The following TAF4B variants were observed in gnomAD, a reference collection of about 807,000 sequenced individuals.
TAF4B encodes the protein TATA-box binding protein associated factor 4b, also known as transcription initiation factor TFIID subunit 4B.
A neutral mutation model predicts 86.4 loss-of-function variants in TAF4B; 38 were observed. The ratio of observed to expected loss-of-function variants is 0.44; its 90% CI spans 0.34 to 0.58. The LOEUF is 0.58. TAF4B is among the 20% of genes least tolerant of loss of function. The pLI is 0.02. For synonymous variants in TAF4B, 388 were observed against 391.2 expected, an observed-to-expected ratio of 0.99 and a Z score of 0.10; for missense variants, 988 against 1,027.6, an observed-to-expected ratio of 0.96 and a Z score of 0.53.
intron 14 of TAF4B, among the ~76,000 whole-genome samples, chr18:26,367,768 A>G (rs1351912684): frequency 6.6e-6 from 1 of 152,228 alleles, no homozygotes; most frequent in Non-Finnish European, 1.5e-5. Context: ...ATAAATAATG[A>G]GCATCCTGTT....
chr18:26,310,057 A>G lies in TAF4B; in HGVS notation c.1833-5172A>G, dbSNP rs1017541194. ...AGGTTGGTGCTGAGCCCCTGACCTC[A>G]GGAGACACGCCCACCTCGGGCTCCG... On this transcript the variant is annotated intron_variant, in intron 9 of 14. Coordinates refer to ENST00000269142, the MANE Select transcript of TAF4B (RefSeq NM_005640.3). Among the ~76,000 whole-genome samples, 19 of 152,174 alleles carry G rather than the reference A, an allele frequency of 1.2e-4. 1 individual carries two copies. The highest frequency in any genetic ancestry group is 2.9e-5 in the Non-Finnish European group (2 of 68,028).
intron 1 of TAF4B, among the ~76,000 whole-genome samples, chr18:26,262,459 T>C (rs2056182995): frequency 6.8e-6 from 1 of 147,976 alleles, no homozygotes; most frequent in Non-Finnish European, 1.5e-5. Flanking sequence ...CTGCATGCCT[T>C]AGGACAGTTT....
At chr18:26,336,817 A>T (rs774971819) in intron 13 of TAF4B, among the ~76,000 whole-genome samples, 3 of 152,236 alleles carry the variant, frequency 2.0e-5, no homozygotes, top group Non-Finnish European at 2.9e-5. Context: ...TGCAACAGAA[A>T]GCTTACCCTT....
At position 26,285,222 on chromosome 18, in the gene TAF4B, G is replaced by GTTT. The variant is rs776976703; in HGVS notation, c.973-648_973-646dup. Among the ~76,000 whole-genome samples the GTTT allele has an allele frequency of 1.1e-4, 5 of 45,692 alleles. 1 individual carries two copies. Among genetic ancestry groups the GTTT allele is most frequent in the Middle Eastern group, 0.021 (1 of 48 alleles). 30.0% of individuals were successfully genotyped at this position (45,692 alleles called of 152,430 possible). On this transcript the variant is annotated intron_variant, in intron 6 of 14. Coordinates refer to ENST00000269142, the MANE Select transcript of TAF4B (RefSeq NM_005640.3). ...ATTTCTTCCTTTCCTTTTTTTTTTT[G>GTTT]TTTTTTTTTTTTTTGGAGATGGGGT...
At chr18:26,343,449 G>A (rs1327900864) in intron 13 of TAF4B, among the ~76,000 whole-genome samples, 2 of 152,146 alleles carry the variant, frequency 1.3e-5, no homozygotes, top group Non-Finnish European at 2.9e-5. Context: ...TGACCACTGG[G>A]GGATGCACAG....
intron 6 of TAF4B, 119 bp from the exon 7 acceptor site, chr18:26,285,763 C>T: frequency 7.9e-7 from 1 of 1,262,416 alleles, no homozygotes; most frequent in Non-Finnish European, 1.1e-6. Flanking sequence ...CTGTCTTCAA[C>T]TGAAATACTT....
At chr18:26,251,325 A>T (rs923732691) in intron 1 of TAF4B, among the ~76,000 whole-genome samples, 10 of 152,220 alleles carry the variant, frequency 6.6e-5, no homozygotes, top group African/African-American at 2.4e-4. Context: ...ATTAAATTGT[A>T]ATAGATGAAT....
chr18:26,343,850 G>A (rs1040655248), intron 13 of TAF4B, among the ~76,000 whole-genome samples: 18 of 152,224 alleles, frequency 1.2e-4, no homozygotes, highest in African/African-American at 3.9e-4. Context: ...ACCAAGGGAC[G>A]ACTGTATTCA....
intron 13 of TAF4B, among the ~76,000 whole-genome samples, chr18:26,342,660 A>G (rs1378205449): frequency 1.3e-5 from 2 of 152,264 alleles, no homozygotes; most frequent in Non-Finnish European, 2.9e-5. Context: ...ACCTAACACC[A>G]GAAATAAAAT....
chr18:26,358,531 A>G (rs2057306142), intron 14 of TAF4B, among the ~76,000 whole-genome samples: 1 of 152,160 alleles, frequency 6.6e-6, no homozygotes, highest in Non-Finnish European at 1.5e-5. Flanking sequence ...TAACACGGTG[A>G]AAACCTGTCT....
chr18:26,258,675 T>C (rs1598733283), intron 1 of TAF4B, among the ~76,000 whole-genome samples: 1 of 152,228 alleles, frequency 6.6e-6, no homozygotes, highest in African/African-American at 2.4e-5. Flanking sequence ...CTGCTACTAA[T>C]GAATCTTCTC....
chr18:26,234,917 T>G (rs1305763209), intron 1 of TAF4B, among the ~76,000 whole-genome samples: 1 of 152,222 alleles, frequency 6.6e-6, no homozygotes, highest in Non-Finnish European at 1.5e-5. Flanking sequence ...AGTGAGATCC[T>G]TTCCTTGTGT....
intron 9 of TAF4B, among the ~76,000 whole-genome samples, chr18:26,311,853 G>A (rs2056856978): frequency 1.3e-5 from 2 of 152,130 alleles, no homozygotes; most frequent in African/African-American, 4.8e-5. Context: ...AGAAGAAGTA[G>A]TCTGCTGTTG....
chr18:26,384,408 CTATT>C (rs1243156701), intron 14 of TAF4B, among the ~76,000 whole-genome samples: 1 of 152,170 alleles, frequency 6.6e-6, no homozygotes, highest in Admixed American at 6.5e-5. Flanking sequence ...GGCTCCTCCA[CTATT>C]TAATTTGAGG....
At chr18:26,297,194 A>G (rs994777931) in intron 9 of TAF4B, among the ~76,000 whole-genome samples, 5 of 152,080 alleles carry the variant, frequency 3.3e-5, no homozygotes, top group Non-Finnish European at 7.3e-5. Context: ...TTGGGGAGAA[A>G]GAATTGCAGT....
At chr18:26,317,310 C>A (rs192441339) in intron 10 of TAF4B, among the ~76,000 whole-genome samples, 2 of 152,096 alleles carry the variant, frequency 1.3e-5, no homozygotes, top group African/African-American at 4.8e-5. Context: ...GGGTTACAGT[C>A]GTGAGCCACT....
chr18:26,277,461 CAA>C (rs2056397321), intron 5 of TAF4B, among the ~76,000 whole-genome samples: 1 of 152,176 alleles, frequency 6.6e-6, no homozygotes. Flanking sequence ...AGTTTCAAAA[CAA>C]CAACAGAATT....
At chr18:26,352,675 A>G (rs1391020767) in intron 13 of TAF4B, among the ~76,000 whole-genome samples, 2 of 152,126 alleles carry the variant, frequency 1.3e-5, no homozygotes, top group African/African-American at 2.4e-5. Context: ...AGGATCCCAT[A>G]AGCCCAGGAG....
chr18:26,261,501 G>A (rs576326788), intron 1 of TAF4B, among the ~76,000 whole-genome samples: 1 of 152,188 alleles, frequency 6.6e-6, no homozygotes. Context: ...CGCCCGGCCA[G>A]CACTGTCATC....
Sources: gnomAD v4.1 joint callset for allele counts (sites outside exome capture counted in the v4.1 genomes callset) on GRCh38, gnomAD v4.1.1 for gene constraint, MANE v1.5 for transcripts, NCBI Gene and HGNC (gene_info 2026-07-23, HGNC 2026-07-21) for gene names.